PYHIN1: variants seen among roughly 807,000 people sequenced by gnomAD.
The protein encoded by PYHIN1 is pyrin and HIN domain family member 1.
Under a neutral mutation model 43.7 loss-of-function variants are expected in PYHIN1, and 32 were observed. The ratio of observed to expected loss-of-function variants is 0.73; its 90% CI spans 0.55 to 0.98. The LOEUF is 0.98. Among genes scored for constraint, PYHIN1 ranks in the 50% least tolerant of loss-of-function variants. The pLI is 0.00. For missense variants in PYHIN1, 588 were observed against 589.5 expected, an observed-to-expected ratio of 1.00 and a Z score of 0.03; for synonymous variants, 205 against 203.1, an observed-to-expected ratio of 1.01 and a Z score of -0.08.
intron 4 of PYHIN1, among the ~76,000 whole-genome samples, chr1:158,941,225 T>C (rs537813552): frequency 1.4e-4 from 22 of 152,330 alleles, no homozygotes; most frequent in African/African-American, 4.8e-4. Context: ...ATTGAACAAC[T>C]TTCCCTTCAT....
the PYHIN1 span, among the ~76,000 whole-genome samples, chr1:158,985,816 A>G: frequency 2.0e-5 from 3 of 152,144 alleles, no homozygotes; most frequent in African/African-American, 7.2e-5. Context: ...GTCTCTTTAC[A>G]TAAACTCATA....
intron 7 of PYHIN1, among the ~76,000 whole-genome samples, chr1:158,972,407 G>A (rs1470233657): frequency 6.6e-6 from 1 of 151,854 alleles, no homozygotes; most frequent in Non-Finnish European, 1.5e-5. Context: ...CATTTATTAA[G>A]TATATAATCA....
Position 158,960,592 on chromosome 1 carries a change from A to C in PYHIN1, c.1360-13055A>C, listed in dbSNP as rs141183018. On this transcript the variant is annotated intron_variant, in intron 7 of 8. Coordinates refer to ENST00000368140, the MANE Select transcript of PYHIN1 (RefSeq NM_152501.5). ...CTTACTTATGGCTCACTAGGTGAGC[A>C]GGAAAGTCTTGTGCCACTCATCATG... Among the ~76,000 whole-genome samples, 13 of 152,356 alleles carry C rather than the reference A, an allele frequency of 8.5e-5. No individual in the cohort carries two copies. In the East Asian group the frequency reaches 2.5e-3, roughly 29 times the overall value.
In PYHIN1 at chr1:158,973,847, T is replaced by A. The variant is rs1446026049; in HGVS notation, c.*5+76T>A. 2.1e-6 allele frequency: 3 copies of A among 1,457,996 alleles called. No homozygotes were observed. In the East Asian group the frequency reaches 6.9e-5, roughly 33 times the overall value. 90.3% of individuals were successfully genotyped at this position (1,457,996 alleles called of 1,614,324 possible). The stretch of plus-strand genomic sequence containing the variant: ...GTAATCAGAGTCTTCAAAGGGATTC[T>A]CATTTAAATTCTGACTATATATTAT... On this transcript the variant is annotated intron_variant, in intron 8 of 8. Transcript: ENST00000368140.
intron 7 of PYHIN1, among the ~76,000 whole-genome samples, chr1:158,965,899 A>C (rs186086242): frequency 6.6e-6 from 1 of 152,224 alleles, no homozygotes; most frequent in East Asian, 1.9e-4. Context: ...GAGCTAAACT[A>C]AAAGAAATTG....
intron 7 of PYHIN1, among the ~76,000 whole-genome samples, chr1:158,964,870 C>T (rs80001588): frequency 1.3e-5 from 2 of 152,042 alleles, no homozygotes; most frequent in Non-Finnish European, 2.9e-5. Context: ...ATGACAGGAT[C>T]AAATCTGCAG....
chr1:158,932,800 G>T (rs1648240271), intron 1 of PYHIN1, among the ~76,000 whole-genome samples: 1 of 152,056 alleles, frequency 6.6e-6, no homozygotes, highest in Admixed American at 6.6e-5. Context: ...ATTACTTCCT[G>T]CCCTCCTGAA....
chr1:158,959,496 C>T (rs1186437917), intron 7 of PYHIN1, among the ~76,000 whole-genome samples: 2 of 149,788 alleles, frequency 1.3e-5, no homozygotes, highest in Non-Finnish European at 3.0e-5. Context: ...CCTTTGTACC[C>T]ACTTTAAGCT....
chr1:158,979,944 C>A (rs1236202018), downstream of PYHIN1, among the ~76,000 whole-genome samples: 4 of 152,084 alleles, frequency 2.6e-5, no homozygotes, highest in African/African-American at 9.7e-5. Context: ...TCCTTGTGTA[C>A]TCAATGTTTA....
chr1:158,953,227 C>T (rs577253818), intron 7 of PYHIN1, among the ~76,000 whole-genome samples: 1 of 141,658 alleles, frequency 7.1e-6, no homozygotes, highest in East Asian at 2.1e-4. Flanking sequence ...AGCCAGGAAG[C>T]TCGAACTGGG....
chr1:158,976,696 TCAAGGTCAC>T lies in PYHIN1; in HGVS notation c.*7_*15del. On this transcript the variant is annotated splice_acceptor_variant and splice_polypyrimidine_tract_variant and 3_prime_UTR_variant and intron_variant, in exon 9 of 9. Coordinates refer to ENST00000368140, the MANE Select transcript of PYHIN1 (RefSeq NM_152501.5). LOFTEE classifies it low-confidence loss of function (3UTR_SPLICE). ...GGGTTTATTTTTATCTCTTTATGCT[TCAAGGTCAC>T]CAAGGACAAGGATATCAAATAACTA... The T allele has an allele frequency of 2.1e-5, 33 of 1,589,014 alleles. No homozygotes were observed. The African/African-American group carries it at 4.2e-4, about 20-fold the overall frequency.
At chr1:158,973,346 C>G (rs1651043883) in intron 7 of PYHIN1, among the ~76,000 whole-genome samples, 1 of 151,950 alleles carries the variant, frequency 6.6e-6, no homozygotes, top group African/African-American at 2.4e-5. Flanking sequence ...GCAGAAGTGG[C>G]CTCAAATAGA....
chr1:158,975,762 G>A (rs775836795), intron 8 of PYHIN1, among the ~76,000 whole-genome samples: 4 of 152,066 alleles, frequency 2.6e-5, no homozygotes, highest in African/African-American at 9.7e-5. Context: ...GCTTAAACTT[G>A]GGTAATTTTG....
In PYHIN1 at chr1:158,941,894, T is replaced by A. The variant is rs74637812; in HGVS notation, c.580-83T>A. ...ATCTACAACTTTTGGGGGCCCAATG[T>A]TGTGCCTTGAGGTCACTGAAGAGCA... is the stretch of plus-strand genomic sequence containing the variant. On this transcript the variant is annotated intron_variant, in intron 4 of 8. Transcript: ENST00000368140. The A allele has an allele frequency of 6.9e-5, 92 of 1,330,318 alleles. No homozygotes were observed. In the East Asian group the frequency reaches 2.2e-3, roughly 32 times the overall value. 82.4% of individuals were successfully genotyped at this position (1,330,318 alleles called of 1,614,324 possible). A position where few individuals can be genotyped will look rare whatever the true frequency, so the allele number is the denominator to read the frequency against.
chr1:158,970,736 G>T (rs895942398), intron 7 of PYHIN1, among the ~76,000 whole-genome samples: 15 of 151,592 alleles, frequency 9.9e-5, no homozygotes, highest in Non-Finnish European at 1.2e-4. Context: ...CACAAACACT[G>T]CATATACTAT....
At chr1:158,949,142 T>C (rs931457247) in intron 7 of PYHIN1, among the ~76,000 whole-genome samples, 1 of 152,258 alleles carries the variant, frequency 6.6e-6, no homozygotes, top group Non-Finnish European at 1.5e-5. Flanking sequence ...AGGACTTTAC[T>C]TGGGGTCTGG....
At chr1:158,982,284 GT>G in the PYHIN1 span, among the ~76,000 whole-genome samples, 234 of 151,832 alleles carry the variant, frequency 1.5e-3, 2 homozygotes, top group African/African-American at 4.8e-3. Flanking sequence ...ACATATATAA[GT>G]TTTTTTTAAC....
chr1:158,984,528 GT>G, the PYHIN1 span, among the ~76,000 whole-genome samples: 1 of 152,048 alleles, frequency 6.6e-6, no homozygotes, highest in Non-Finnish European at 1.5e-5. Context: ...TATAATTTCT[GT>G]TTTTTGAATT....
At chr1:158,954,193 G>A (rs1489938573) in intron 7 of PYHIN1, among the ~76,000 whole-genome samples, 1 of 27,284 alleles carries the variant, frequency 3.7e-5, no homozygotes, top group Non-Finnish European at 8.0e-5. Flanking sequence ...TATTATCCAG[G>A]AGAACTTCCC....
Sources: allele counts gnomAD v4.1 joint callset (sites outside exome capture counted in the v4.1 genomes callset), GRCh38; gene constraint gnomAD v4.1.1; transcripts MANE v1.5; gene names NCBI Gene and HGNC (gene_info 2026-07-23, HGNC 2026-07-21).